RNGTT: variants seen among roughly 807,000 people sequenced by gnomAD.
RNGTT encodes RNA guanylyltransferase and 5'-phosphatase, also known as mRNA-capping enzyme.
Under a neutral mutation model 79.3 loss-of-function variants are expected in RNGTT, and 33 were observed. The ratio of observed to expected loss-of-function variants is 0.42; its 90% CI spans 0.32 to 0.56. The LOEUF (loss-of-function observed/expected upper bound fraction) is 0.56. Ranked by LOEUF, RNGTT falls within the 20% of genes least tolerant of loss-of-function variation. The pLI, the probability that RNGTT is intolerant of heterozygous loss-of-function variation, is 0.17. For missense variants in RNGTT, 497 were observed against 739.1 expected (o/e 0.67, Z 3.80); for synonymous variants, 222 against 235.9 (o/e 0.94, Z 0.54).
At chr6:88,648,543 T>C (rs777779693) in intron 14 of RNGTT, among the ~76,000 whole-genome samples, 3 of 152,092 alleles carry the variant, frequency 2.0e-5, no homozygotes, top group Admixed American at 6.6e-5. Flanking sequence ...TATCTCCCTA[T>C]ACAAACCTCT....
intron 13 of RNGTT, among the ~76,000 whole-genome samples, chr6:88,719,504 T>G (rs553195958): frequency 6.6e-6 from 1 of 152,228 alleles, no homozygotes; most frequent in Non-Finnish European, 1.5e-5. Flanking sequence ...AATACCTGCA[T>G]TCCAAATGTT....
rs192763816 is a variant in RNGTT, at chr6:88,872,838, T to G, written c.896+17657A>C. On this transcript the variant is annotated intron_variant, in intron 8 of 15. Transcript: ENST00000369485. ...GCACAGAGGTAGCAGGATTCACAGA[T>G]GGAGGTGCCTATTTTACAAAACCCC... Among the ~76,000 whole-genome samples the G allele has an allele frequency of 2.0e-5, 3 of 152,230 alleles. No individual in the cohort carries two copies. The East Asian group carries it at 5.8e-4, about 29-fold the overall frequency.
chr6:88,616,205 A>G lies in RNGTT; in HGVS notation c.1507-1810T>C, dbSNP rs571977926. 2.0e-5 allele frequency among the ~76,000 whole-genome samples: 3 copies of G among 152,360 alleles called. No homozygotes were observed. The East Asian group carries it at 5.8e-4, about 29-fold the overall frequency. On this transcript the variant is annotated intron_variant, in intron 14 of 15. Transcript: ENST00000369485. ...AATTCTTTCTTTTTAAAGGTAGAATAATATTCCACTGTATGTATACACCAC... is the reference window on the plus strand; with the variant it reads ...AATTCTTTCTTTTTAAAGGTAGAATGATATTCCACTGTATGTATACACCAC...
At chr6:88,821,557 A>G (rs1451994062) in intron 11 of RNGTT, among the ~76,000 whole-genome samples, 1 of 152,074 alleles carries the variant, frequency 6.6e-6, no homozygotes, top group Non-Finnish European at 1.5e-5. Context: ...ATTAAATATT[A>G]TGCAAACCTA....
At chr6:88,618,802 T>C (rs747479397) in intron 14 of RNGTT, among the ~76,000 whole-genome samples, 8 of 152,204 alleles carry the variant, frequency 5.3e-5, no homozygotes, top group Non-Finnish European at 1.2e-4. Context: ...GATTTTAAAT[T>C]AGCAGCTCAA....
intron 2 of RNGTT, among the ~76,000 whole-genome samples, chr6:88,933,984 A>ACATCCTTGC (rs1784587156): frequency 1.3e-5 from 2 of 152,180 alleles, no homozygotes; most frequent in Admixed American, 1.3e-4. Context: ...TCTTTTCTCC[A>ACATCCTTGC]CATCCTTGCC....
chr6:88,826,844 ATG>A (rs1192605195), intron 11 of RNGTT, among the ~76,000 whole-genome samples: 43 of 118,774 alleles, frequency 3.6e-4, no homozygotes, highest in South Asian at 2.9e-3. Context: ...ATATATATAT[ATG>A]TGTGTGTGTA....
At chr6:88,959,484 C>T (rs1169253090) in intron 1 of RNGTT, among the ~76,000 whole-genome samples, 1 of 152,108 alleles carries the variant, frequency 6.6e-6, no homozygotes, top group African/African-American at 2.4e-5. Context: ...TGTGCATAAG[C>T]CAGACATTTG....
At chr6:88,895,396 T>C (rs1441169318) in intron 6 of RNGTT, among the ~76,000 whole-genome samples, 4 of 152,138 alleles carry the variant, frequency 2.6e-5, no homozygotes, top group Non-Finnish European at 5.9e-5. Context: ...AACATACCTG[T>C]AAGTCATACT....
chr6:88,677,759 G>A (rs973715769), intron 14 of RNGTT, among the ~76,000 whole-genome samples: 4 of 152,016 alleles, frequency 2.6e-5, no homozygotes, highest in Non-Finnish European at 4.4e-5. Context: ...GTGCAGGCAT[G>A]AGCCACCGTA....
chr6:88,701,467 T>C (rs913046071), intron 13 of RNGTT, among the ~76,000 whole-genome samples: 10 of 152,242 alleles, frequency 6.6e-5, no homozygotes, highest in Non-Finnish European at 1.3e-4. Flanking sequence ...TTTATATATA[T>C]AGCATATATT....
intron 1 of RNGTT, among the ~76,000 whole-genome samples, chr6:88,942,581 G>A (rs1784885716): frequency 6.6e-6 from 1 of 151,982 alleles, no homozygotes; most frequent in Non-Finnish European, 1.5e-5. Context: ...ATGTTGCCCA[G>A]GCTGGTCTCG....
intron 13 of RNGTT, among the ~76,000 whole-genome samples, chr6:88,696,601 T>TATACACAC (rs1278740934): frequency 6.8e-6 from 1 of 147,490 alleles, no homozygotes; most frequent in African/African-American, 2.5e-5. Flanking sequence ...AATCCTGAAG[T>TATACACAC]ACACACACAC....
chr6:88,828,807 A>G (rs1050010602), intron 11 of RNGTT, among the ~76,000 whole-genome samples: 8 of 151,956 alleles, frequency 5.3e-5, no homozygotes, highest in Non-Finnish European at 1.2e-4. Context: ...GATCAACTTA[A>G]TGAAATGAAG....
intron 11 of RNGTT, among the ~76,000 whole-genome samples, chr6:88,823,256 C>A (rs1780551670): frequency 6.6e-6 from 1 of 151,912 alleles, no homozygotes; most frequent in African/African-American, 2.4e-5. Flanking sequence ...CATGGTGAAA[C>A]CCCGTCTCTA....
Position 88,906,458 on chromosome 6 carries a change from T to G in RNGTT, c.368-18A>C. 2.6e-6 allele frequency: 4 copies of G among 1,547,506 alleles called. No individual in the cohort carries two copies. The highest frequency in any genetic ancestry group is 3.5e-6 in the Non-Finnish European group (4 of 1,144,112). On this transcript the variant is annotated intron_variant, in intron 4 of 15. Coordinates refer to ENST00000369485, the MANE Select transcript of RNGTT (RefSeq NM_003800.5). ...ATGAACACCTAGAAAATAAAGTAGCTTTGGTTAAAATTAACAAATCACTGC... is the reference window on the plus strand; with the variant it reads ...ATGAACACCTAGAAAATAAAGTAGCGTTGGTTAAAATTAACAAATCACTGC...
chr6:88,637,074 T>C (rs184469440), intron 14 of RNGTT, among the ~76,000 whole-genome samples: 2 of 152,246 alleles, frequency 1.3e-5, no homozygotes, highest in Admixed American at 1.3e-4. Context: ...CTGCTGGGAC[T>C]GAATGAGTTA....
chr6:88,776,228 T>A (rs564067898), intron 12 of RNGTT, among the ~76,000 whole-genome samples: 2 of 152,286 alleles, frequency 1.3e-5, no homozygotes, highest in South Asian at 4.1e-4. Flanking sequence ...ATAATAGCCA[T>A]CTTAATATGC....
Position 88,790,911 on chromosome 6 carries a change from A to C in RNGTT, c.1338+10653T>G, listed in dbSNP as rs552497502. On this transcript the variant is annotated intron_variant, in intron 12 of 15. Transcript: ENST00000369485. ...GAAAGGTAATTTACAAATTTTACAA[A>C]GACAGAATCAGAAATTACACTGGGT... Among the ~76,000 whole-genome samples the C allele has an allele frequency of 3.9e-5, 6 of 152,332 alleles. No homozygotes were observed. The East Asian group carries it at 1.2e-3, about 29-fold the overall frequency.
Sources: gnomAD v4.1 joint callset for allele counts (sites outside exome capture counted in the v4.1 genomes callset) on GRCh38, gnomAD v4.1.1 for gene constraint, MANE v1.5 for transcripts, NCBI Gene and HGNC (gene_info 2026-07-23, HGNC 2026-07-21) for gene names.